Variants in WAPL observed in about 807,000 individuals in gnomAD.
The protein encoded by WAPL is WAPL cohesin release factor.
Under a neutral mutation model 121.0 loss-of-function variants are expected in WAPL, and 5 were observed. That is an observed-to-expected ratio of 0.04 (90% CI 0.02 to 0.09). The LOEUF (loss-of-function observed/expected upper bound fraction) is 0.09, where lower values mean the gene tolerates loss of function less well. WAPL is among the 10% of genes least tolerant of loss of function. The pLI is 1.00. For synonymous variants in WAPL, 480 were observed against 481.5 expected (o/e 1.00, Z 0.04); for missense variants, 999 against 1,410.8 (o/e 0.71, Z 4.68).
chr10:86,503,373 T>C (rs558004849), intron 2 of WAPL, among the ~76,000 whole-genome samples: 7 of 152,140 alleles, frequency 4.6e-5, no homozygotes, highest in Non-Finnish European at 1.0e-4. Flanking sequence ...TTGAGGCAAC[T>C]AGAAAGGTTT....
intron 2 of WAPL, among the ~76,000 whole-genome samples, chr10:86,506,014 T>C (rs1842342278): frequency 6.6e-6 from 1 of 152,176 alleles, no homozygotes; most frequent in Admixed American, 6.5e-5. Context: ...ACCAACACTT[T>C]GGGAGGCCAA....
At chr10:86,468,572 T>A (rs993098913) in intron 8 of WAPL, among the ~76,000 whole-genome samples, 5 of 152,236 alleles carry the variant, frequency 3.3e-5, no homozygotes, top group African/African-American at 1.2e-4. Context: ...TAAATCTATA[T>A]CATACCCTTA....
intron 11 of WAPL, among the ~76,000 whole-genome samples, 197 bp downstream of exon 11, chr10:86,460,202 A>G (rs1269250034): frequency 6.6e-6 from 1 of 152,202 alleles, no homozygotes; most frequent in African/African-American, 2.4e-5. Context: ...GCAATAATAC[A>G]TGTACTCTTA....
chr10:86,520,361 G>C (rs941139703), intron 1 of WAPL, among the ~76,000 whole-genome samples: 21 of 152,192 alleles, frequency 1.4e-4, no homozygotes, highest in African/African-American at 5.1e-4. Context: ...CAAATACATA[G>C]TGAAATACTG....
At chr10:86,455,698 AAAG>A (rs1174350517) in intron 12 of WAPL, among the ~76,000 whole-genome samples, 5 of 125,304 alleles carry the variant, frequency 4.0e-5, no homozygotes, top group East Asian at 2.1e-4. Flanking sequence ...AAAAAAAAAG[AAAG>A]AAAGAAAAAA....
At chr10:86,490,180 C>T (rs893407279) in intron 4 of WAPL, among the ~76,000 whole-genome samples, 1 of 151,782 alleles carries the variant, frequency 6.6e-6, no homozygotes, top group Non-Finnish European at 1.5e-5. Context: ...CGTCGCCACA[C>T]TCCAGCCTGG....
Position 86,517,688 on chromosome 10 carries a change from C to T in WAPL, c.382G>A (p.Val128Ile). The change falls in exon 2 of 19, where the codon GTC (valine) becomes ATC (isoleucine). Residue 128 changes from valine (V) to isoleucine (I), a missense_variant. Around this residue, in one of 7 missense-constraint regions of WAPL, gnomAD observed 531 missense variants for 563.1 expected, o/e 0.94. Transcript: ENST00000298767. ...AAAGGGAAGCATTTATCAGAAACGA[C>T]AGTGTCTTCAACGACCACATGACTA... ...KISHVVVEDT[V>I]VSDKCFPLED... 6.2e-7 allele frequency: 1 copy of T among 1,614,138 alleles called. No homozygotes were observed. Among genetic ancestry groups the T allele is most frequent in the South Asian group, 1.1e-5 (1 of 91,084 alleles).
At chr10:86,512,166 T>A (rs1187626657) in intron 2 of WAPL, among the ~76,000 whole-genome samples, 1 of 152,222 alleles carries the variant, frequency 6.6e-6, no homozygotes, top group Admixed American at 6.5e-5. Flanking sequence ...CTTTAAACTT[T>A]CAGTAATAAA....
chr10:86,480,118 T>A (rs1392141469), intron 4 of WAPL, among the ~76,000 whole-genome samples: 2 of 152,224 alleles, frequency 1.3e-5, no homozygotes, highest in Non-Finnish European at 2.9e-5. Flanking sequence ...ATATGCAATA[T>A]GAAACACTGT....
intron 3 of WAPL, 105 bp downstream of exon 3, chr10:86,499,613 T>G: frequency 1.7e-6 from 2 of 1,168,380 alleles, no homozygotes; most frequent in South Asian, 3.2e-5. Context: ...TGTACTCACC[T>G]CTTTTCAGAA....
intron 15 of WAPL, among the ~76,000 whole-genome samples, chr10:86,447,041 C>A (rs1849639906): frequency 6.6e-6 from 1 of 151,998 alleles, no homozygotes; most frequent in South Asian, 2.1e-4. Context: ...TCTAAGAATC[C>A]CTACGGATCC....
chr10:86,463,784 T>A lies in WAPL; in HGVS notation c.2371-2497A>T, dbSNP rs188054539. ...AAGTGTCCATATGGGTGTATCTTTT[T>A]AAATCTTTTATACCATATTTTTACT... is the stretch of plus-strand genomic sequence containing the variant. On this transcript the variant is annotated intron_variant, in intron 9 of 18. Transcript: ENST00000298767. Among the ~76,000 whole-genome samples, 273 of 152,354 alleles carry A rather than the reference T, an allele frequency of 1.8e-3. 1 individual carries two copies. Among genetic ancestry groups the A allele is most frequent in the Middle Eastern group, 0.01 (3 of 294 alleles).
At chr10:86,447,621 A>G (rs952735251) in intron 15 of WAPL, among the ~76,000 whole-genome samples, 2 of 152,248 alleles carry the variant, frequency 1.3e-5, no homozygotes, top group Non-Finnish European at 2.9e-5. Context: ...AGGGGGAAGT[A>G]TAAATTAAGG....
chr10:86,451,653 A>G (rs553724397), intron 15 of WAPL, among the ~76,000 whole-genome samples: 11 of 152,338 alleles, frequency 7.2e-5, no homozygotes, highest in Non-Finnish European at 1.3e-4. Context: ...TCAGCCTCCC[A>G]AAGTGCTGGG....
intron 16 of WAPL, 48 bp from the exon 17 acceptor site, chr10:86,443,411 A>C (rs1455612871): frequency 6.6e-7 from 1 of 1,510,894 alleles, no homozygotes; most frequent in Non-Finnish European, 9.1e-7. Flanking sequence ...AATTAACACA[A>C]ACCTCACAAA....
chr10:86,467,611 A>AGC, intron 8 of WAPL, 105 bp from the exon 9 acceptor site: 2 of 831,020 alleles, frequency 2.4e-6, no homozygotes, highest in East Asian at 5.4e-5. Context: ...GTTAATGCTT[A>AGC]AAACTTATAT....
chr10:86,474,872 T>C (rs1251289696), intron 4 of WAPL, among the ~76,000 whole-genome samples: 1 of 152,224 alleles, frequency 6.6e-6, no homozygotes, highest in East Asian at 1.9e-4. Flanking sequence ...ATGCGCTCAT[T>C]TAAAGCAAAC....
intron 4 of WAPL, among the ~76,000 whole-genome samples, chr10:86,481,007 G>T (rs1207000613): frequency 2.0e-5 from 3 of 152,142 alleles, no homozygotes; most frequent in Non-Finnish European, 2.9e-5. Context: ...ACTAATTTGG[G>T]ATTTCTTTTA....
At chr10:86,449,747 G>A (rs572712452) in intron 15 of WAPL, among the ~76,000 whole-genome samples, 2 of 152,192 alleles carry the variant, frequency 1.3e-5, no homozygotes, top group Admixed American at 1.3e-4. Context: ...GGTTCCATTT[G>A]AAGAAAAGTC....
Sources: gnomAD v4.1 joint callset for allele counts (sites outside exome capture counted in the v4.1 genomes callset) on GRCh38, gnomAD v4.1.1 for gene constraint, gnomAD v4.1.1 regional missense constraint, MANE v1.5 for transcripts, NCBI Gene and HGNC (gene_info 2026-07-23, HGNC 2026-07-21) for gene names.